Variants in GABRG3 observed in about 807,000 individuals in gnomAD.
GABRG3 encodes the protein gamma-aminobutyric acid receptor subunit gamma-3.
GABRG3 carries 25 observed loss-of-function variants against 48.8 expected under a neutral mutation model. That is an observed-to-expected ratio of 0.51 (90% CI 0.37 to 0.72). The LOEUF is 0.72. GABRG3 is among the 30% of genes least tolerant of loss of function. GABRG3 has a pLI of 0.00. For synonymous variants in GABRG3, 227 were observed against 217.6 expected, an observed-to-expected ratio of 1.04 and a Z score of -0.38; for missense variants, 394 against 577.9, an observed-to-expected ratio of 0.68 and a Z score of 3.26.
intron 5 of GABRG3, among the ~76,000 whole-genome samples, chr15:27,401,562 G>A (rs1310106791): frequency 1.3e-5 from 2 of 152,210 alleles, no homozygotes; most frequent in South Asian, 2.1e-4. Context: ...TCCCTCTCTT[G>A]CAGTTATTTC....
intron 3 of GABRG3, among the ~76,000 whole-genome samples, chr15:27,306,635 TA>T (rs1892489510): frequency 8.6e-6 from 1 of 116,934 alleles, no homozygotes; most frequent in Non-Finnish European, 1.6e-5. Context: ...TATAAACATA[TA>T]TTTATATATA....
At chr15:27,266,487 GTTC>G (rs1318810195) in intron 3 of GABRG3, among the ~76,000 whole-genome samples, 6 of 152,070 alleles carry the variant, frequency 3.9e-5, no homozygotes, top group Non-Finnish European at 2.9e-5. Context: ...CTGCACATTT[GTTC>G]TTCTCTTTCA....
chr15:27,227,419 G>T (rs1262887954), intron 3 of GABRG3, among the ~76,000 whole-genome samples: 1 of 152,098 alleles, frequency 6.6e-6, no homozygotes, highest in African/African-American at 2.4e-5. Flanking sequence ...GATCACCTGA[G>T]CCTTAGGACA....
chr15:27,315,915 G>A (rs758182217), intron 3 of GABRG3, among the ~76,000 whole-genome samples: 4 of 152,012 alleles, frequency 2.6e-5, no homozygotes, highest in Non-Finnish European at 1.5e-5. Context: ...TCCATCTCTT[G>A]GTCTTTGTAG....
intron 3 of GABRG3, among the ~76,000 whole-genome samples, chr15:27,324,796 A>G (rs1176206422): frequency 1.3e-5 from 2 of 152,056 alleles, no homozygotes; most frequent in Non-Finnish European, 2.9e-5. Flanking sequence ...GCAGGCCAGC[A>G]CCTCTCCCTC....
chr15:27,120,508 G>T (rs1375452946), intron 3 of GABRG3, among the ~76,000 whole-genome samples: 1 of 152,144 alleles, frequency 6.6e-6, no homozygotes, highest in Non-Finnish European at 1.5e-5. Context: ...GCTTTTGCCA[G>T]TGATTGTAGG....
At chr15:27,154,666 A>T (rs961966749) in intron 3 of GABRG3, among the ~76,000 whole-genome samples, 1 of 152,300 alleles carries the variant, frequency 6.6e-6, no homozygotes, top group East Asian at 1.9e-4. Flanking sequence ...TCAGCCAGGA[A>T]TCCTTGGAAT....
At chr15:27,178,625 G>A (rs12904325) in intron 3 of GABRG3, among the ~76,000 whole-genome samples, 41,367 of 152,096 alleles carry the variant, frequency 0.27, 6,274 homozygotes, top group Middle Eastern at 0.37. Context: ...CCAGAGACAC[G>A]GGGGAGATTG....
chr15:27,069,382 T>C (rs1437120290), intron 3 of GABRG3, among the ~76,000 whole-genome samples: 1 of 152,232 alleles, frequency 6.6e-6, no homozygotes, highest in African/African-American at 2.4e-5. Flanking sequence ...CTGTGTCTCC[T>C]GTCTCAATTG....
At chr15:27,108,243 T>A (rs1279748239) in intron 3 of GABRG3, among the ~76,000 whole-genome samples, 1 of 152,184 alleles carries the variant, frequency 6.6e-6, no homozygotes, top group East Asian at 1.9e-4. Context: ...AATTTTGATC[T>A]TTATTTTGTT....
At chr15:27,409,481 T>C (rs934497636) in intron 5 of GABRG3, among the ~76,000 whole-genome samples, 1 of 152,182 alleles carries the variant, frequency 6.6e-6, no homozygotes, top group Non-Finnish European at 1.5e-5. Context: ...TGGTAAACTG[T>C]CTCAATTACT....
At chr15:27,088,865 C>T (rs1461163676) in intron 3 of GABRG3, among the ~76,000 whole-genome samples, 3 of 152,064 alleles carry the variant, frequency 2.0e-5, no homozygotes, top group Non-Finnish European at 4.4e-5. Flanking sequence ...CAGTAGAGGA[C>T]TCTGAAGGGA....
intron 3 of GABRG3, among the ~76,000 whole-genome samples, chr15:27,098,294 C>T (rs1469172909): frequency 6.6e-6 from 1 of 151,892 alleles, no homozygotes; most frequent in African/African-American, 2.4e-5. Flanking sequence ...AATAGCCAGG[C>T]GTGGTGGCAG....
chr15:27,381,917 G>A (rs890845308), intron 5 of GABRG3, among the ~76,000 whole-genome samples: 19 of 152,116 alleles, frequency 1.2e-4, no homozygotes, highest in African/African-American at 4.6e-4. Flanking sequence ...TAATTTATAA[G>A]CTTTTCACGT....
chr15:27,358,894 C>T (rs1002489138), intron 5 of GABRG3, among the ~76,000 whole-genome samples: 2 of 152,172 alleles, frequency 1.3e-5, no homozygotes, highest in Non-Finnish European at 2.9e-5. Context: ...GTGCAATGCC[C>T]GCTCAGTGGG....
At chr15:27,492,477 C>T (rs998667447) in intron 6 of GABRG3, among the ~76,000 whole-genome samples, 5 of 152,142 alleles carry the variant, frequency 3.3e-5, no homozygotes, top group South Asian at 4.1e-4. Flanking sequence ...CTGTGGGATC[C>T]GGGGCAAGTC....
intron 3 of GABRG3, among the ~76,000 whole-genome samples, chr15:27,046,626 T>G: frequency 6.6e-6 from 1 of 152,248 alleles, no homozygotes; most frequent in East Asian, 1.9e-4. Context: ...CCCACTTCTG[T>G]TGCTCTGTCA....
chr15:27,503,066 C>T (rs1890681063), intron 6 of GABRG3, among the ~76,000 whole-genome samples: 1 of 152,168 alleles, frequency 6.6e-6, no homozygotes, highest in African/African-American at 2.4e-5. Flanking sequence ...TTCTCCTCTC[C>T]CTAGAGGTTG....
intron 6 of GABRG3, among the ~76,000 whole-genome samples, chr15:27,503,275 G>A (rs1279074547): frequency 1.6e-4 from 24 of 152,142 alleles, no homozygotes; most frequent in Admixed American, 1.5e-3. Context: ...ATTTCACAAT[G>A]TTATAGTAAT....
Sources: gnomAD v4.1 joint callset for allele counts (sites outside exome capture counted in the v4.1 genomes callset) on GRCh38, gnomAD v4.1.1 for gene constraint, MANE v1.5 for transcripts, NCBI Gene and HGNC (gene_info 2026-07-23, HGNC 2026-07-21) for gene names.